Variants in CATSPER3 observed in about 807,000 individuals in gnomAD.
CATSPER3 encodes the protein cation channel sperm associated 3, also known as cation channel sperm-associated protein 3.
In CATSPER3, 23 loss-of-function variants were observed where a neutral mutation model predicts 36.6. That is an observed-to-expected ratio of 0.63 (90% CI 0.45 to 0.89). The LOEUF (loss-of-function observed/expected upper bound fraction) is 0.89, where lower values mean the gene tolerates loss of function less well. Ranked by LOEUF, CATSPER3 falls within the 40% of genes least tolerant of loss-of-function variation. The pLI is 0.00. For missense variants in CATSPER3, 474 were observed against 503.9 expected (o/e 0.94, Z 0.57); for synonymous variants, 172 against 184.1 (o/e 0.93, Z 0.53).
chr5:135,004,347 T>C (rs1296742791), intron 3 of CATSPER3, among the ~76,000 whole-genome samples: 1 of 152,112 alleles, frequency 6.6e-6, no homozygotes, highest in Non-Finnish European at 1.5e-5. Context: ...AAAGTGCACA[T>C]CCAATCATAG....
rs76347824 is a variant in CATSPER3, at chr5:134,978,332, G to A, written c.252+8240G>A. Among the ~76,000 whole-genome samples the A allele has an allele frequency of 7.2e-5, 11 of 152,250 alleles. No homozygotes were observed. In the East Asian group the frequency reaches 1.2e-3, roughly 16 times the overall value. On this transcript the variant is annotated intron_variant, in intron 2 of 7. Transcript: ENST00000282611. ...AATGTTCTTATCACAAAGAAATGGC[G>A]TGTTTGAGGTGATGAATATGCTGAT... is the stretch of plus-strand genomic sequence containing the variant.
chr5:135,004,236 C>T (rs1752056726), intron 3 of CATSPER3, among the ~76,000 whole-genome samples: 1 of 152,252 alleles, frequency 6.6e-6, no homozygotes, highest in African/African-American at 2.4e-5. Context: ...CACATCTCTT[C>T]ATTCCTGTCA....
At chr5:134,986,615 C>T (rs1162062471) in intron 2 of CATSPER3, among the ~76,000 whole-genome samples, 1 of 151,952 alleles carries the variant, frequency 6.6e-6, no homozygotes, top group Non-Finnish European at 1.5e-5. Context: ...GTGCATGCCA[C>T]CGCGCCCAGC....
intron 2 of CATSPER3, among the ~76,000 whole-genome samples, chr5:134,985,975 A>ACT (rs1751803428): frequency 6.6e-6 from 1 of 152,012 alleles, no homozygotes; most frequent in Admixed American, 6.6e-5. Context: ...AAACACACAC[A>ACT]CAAGAAACAC....
intron 2 of CATSPER3, among the ~76,000 whole-genome samples, chr5:134,981,477 C>T (rs923500140): frequency 2.0e-5 from 3 of 152,094 alleles, no homozygotes; most frequent in Non-Finnish European, 4.4e-5. Flanking sequence ...CAGAGTGAGA[C>T]TCTGTCTCAA....
rs1383261705 is a variant in CATSPER3, at chr5:134,996,490, T to C, written c.470T>C (p.Ile157Thr). The change falls in exon 3 of 8, where the codon ATC (isoleucine) becomes ACC (threonine). Residue 157 changes from isoleucine (I) to threonine (T), a missense_variant. By Grantham distance (89) the Ile-to-Thr change is moderately conservative. Coordinates refer to ENST00000282611, the MANE Select transcript of CATSPER3 (RefSeq NM_178019.3). ...CAGTCCCTGCGCATCCTCAAGCTTA[T>C]CGGCTATAGCCAGGGCATCCGGGTG... ...GMQSLRILKL[I>T]GYSQGIRTLI... 1.9e-6 allele frequency: 3 copies of C among 1,614,196 alleles called. No homozygotes were observed. Among genetic ancestry groups the C allele is most frequent in the Admixed American group, 1.7e-5 (1 of 60,034 alleles).
chr5:135,001,574 C>A (rs1752020761), intron 3 of CATSPER3, among the ~76,000 whole-genome samples: 1 of 152,068 alleles, frequency 6.6e-6, no homozygotes, highest in Non-Finnish European at 1.5e-5. Flanking sequence ...TTAAAGTCTC[C>A]CATTATTATT....
chr5:134,997,805 T>C (rs73284725), intron 3 of CATSPER3, among the ~76,000 whole-genome samples: 20,347 of 152,128 alleles, frequency 0.13, 3,925 homozygotes, highest in African/African-American at 0.43. Context: ...CCAGCTGCCC[T>C]CTGGGCATCT....
intron 2 of CATSPER3, chr5:134,995,605 T>C (rs1751935419): frequency 6.2e-6 from 1 of 160,208 alleles, no homozygotes; most frequent in African/African-American, 2.4e-5. Context: ...CATTGTTGCA[T>C]TTCCCGGTGC....
intron 2 of CATSPER3, among the ~76,000 whole-genome samples, chr5:134,973,766 T>G (rs1751635123): frequency 1.3e-5 from 2 of 152,176 alleles, no homozygotes; most frequent in Non-Finnish European, 2.9e-5. Flanking sequence ...GATGGGACAG[T>G]TTGGGCTCCA....
chr5:135,010,272 CA>C (rs1055189811), intron 6 of CATSPER3, 100 bp from the exon 7 acceptor site: 1 of 1,032,370 alleles, frequency 9.7e-7, no homozygotes, highest in African/African-American at 1.6e-5. Flanking sequence ...GGACCAGGGT[CA>C]GGCCGCTGCC....
intron 3 of CATSPER3, among the ~76,000 whole-genome samples, chr5:135,002,519 G>A (rs890503119): frequency 4.6e-5 from 7 of 152,182 alleles, no homozygotes; most frequent in African/African-American, 1.7e-4. Flanking sequence ...TGCCTTGCTA[G>A]GTTGGGGAAG....
chr5:135,001,565 T>A (rs1752020086), intron 3 of CATSPER3, among the ~76,000 whole-genome samples: 1 of 152,192 alleles, frequency 6.6e-6, no homozygotes, highest in African/African-American at 2.4e-5. Flanking sequence ...AGTGGGGTGT[T>A]AAAGTCTCCC....
At chr5:134,971,629 A>G (rs13361494) in intron 2 of CATSPER3, among the ~76,000 whole-genome samples, 10,305 of 152,286 alleles carry the variant, frequency 0.068, 771 homozygotes, top group African/African-American at 0.19. Flanking sequence ...TATCAGTAAC[A>G]GTATTGTCTA....
chr5:135,010,292 A>T (rs1752164810), intron 6 of CATSPER3, 81 bp from the exon 7 acceptor site: 2 of 1,279,600 alleles, frequency 1.6e-6, no homozygotes, highest in East Asian at 2.3e-5. Flanking sequence ...CCTGGGGCCC[A>T]TCCTGGAGAG....
intron 2 of CATSPER3, 68 bp from the exon 3 acceptor site, chr5:134,996,205 G>A: frequency 1.2e-6 from 2 of 1,609,542 alleles, no homozygotes; most frequent in Non-Finnish European, 1.7e-6. Context: ...GGCTCACGCA[G>A]GGAGCAGGCC....
chr5:135,003,179 C>G (rs945858773), intron 3 of CATSPER3, among the ~76,000 whole-genome samples: 1 of 152,232 alleles, frequency 6.6e-6, no homozygotes, highest in Admixed American at 6.5e-5. Flanking sequence ...ACAGTCAGGA[C>G]CCTCAGCTGC....
At chr5:135,004,968 T>A (rs950577283) in intron 3 of CATSPER3, among the ~76,000 whole-genome samples, 6 of 151,848 alleles carry the variant, frequency 4.0e-5, no homozygotes, top group African/African-American at 1.5e-4. Flanking sequence ...AGAGAGGAAC[T>A]GTGGAATGAG....
At chr5:134,974,309 T>TA (rs1249908160) in intron 2 of CATSPER3, among the ~76,000 whole-genome samples, 1 of 152,234 alleles carries the variant, frequency 6.6e-6, no homozygotes, top group Non-Finnish European at 1.5e-5. Context: ...ACTTAAAAGA[T>TA]ACACCAAAAG....
Sources: gnomAD v4.1 joint callset for allele counts (sites outside exome capture counted in the v4.1 genomes callset) on GRCh38, gnomAD v4.1.1 for gene constraint, MANE v1.5 for transcripts, NCBI Gene and HGNC (gene_info 2026-07-23, HGNC 2026-07-21) for gene names.